RBFOX1: variants seen among roughly 807,000 people sequenced by gnomAD.
RBFOX1 encodes the protein RNA binding protein fox-1 homolog 1.
A neutral mutation model predicts 57.7 loss-of-function variants in RBFOX1; 8 were observed. The observed-to-expected ratio is 0.14, with a 90% CI of 0.08 to 0.25. The LOEUF (loss-of-function observed/expected upper bound fraction) is 0.25, where lower values mean the gene tolerates loss of function less well. Among genes scored for constraint, RBFOX1 ranks in the 10% least tolerant of loss-of-function variants. RBFOX1 has a pLI of 1.00. For missense variants in RBFOX1, 611 were observed against 548.5 expected, an observed-to-expected ratio of 1.11 and a Z score of -1.14; for synonymous variants, 326 against 222.4, an observed-to-expected ratio of 1.47 and a Z score of -4.15.
At chr16:6,326,445 G>C (rs913659569) in intron 2 of RBFOX1, among the ~76,000 whole-genome samples, 7 of 152,168 alleles carry the variant, frequency 4.6e-5, no homozygotes, top group Admixed American at 3.3e-4. Flanking sequence ...GACCAGATGT[G>C]AGAGAGGACC....
intron 2 of RBFOX1, among the ~76,000 whole-genome samples, chr16:6,474,957 C>A (rs549607569): frequency 6.6e-6 from 1 of 152,194 alleles, no homozygotes; most frequent in Admixed American, 6.5e-5. Context: ...AATACATAAA[C>A]TGACCTTGTA....
intron 3 of RBFOX1, among the ~76,000 whole-genome samples, chr16:6,892,203 G>A (rs1180212248): frequency 6.6e-6 from 1 of 152,026 alleles, no homozygotes; most frequent in Non-Finnish European, 1.5e-5. Context: ...ATGCCCTTTG[G>A]CCAAGCAGAA....
At chr16:7,607,196 C>A in intron 9 of RBFOX1, 89 bp from the exon 10 acceptor site, 1 of 1,241,846 alleles carries the variant, frequency 8.1e-7, no homozygotes, top group Non-Finnish European at 1.2e-6. Context: ...AAATGAGATA[C>A]TTTAACCCAT....
intron 5 of RBFOX1, among the ~76,000 whole-genome samples, chr16:7,570,296 G>A (rs911601770): frequency 2.0e-5 from 3 of 151,962 alleles, no homozygotes; most frequent in African/African-American, 7.3e-5. Flanking sequence ...GCTGTGTGAT[G>A]AGTGCATGTA....
chr16:5,376,868 G>A (rs2065997652), intron 1 of RBFOX1, among the ~76,000 whole-genome samples: 1 of 151,686 alleles, frequency 6.6e-6, no homozygotes, highest in African/African-American at 2.4e-5. Context: ...AGCAGGTTCT[G>A]CGTCATCTCC....
At chr16:5,274,638 T>G (rs1430562093) in intron 1 of RBFOX1, among the ~76,000 whole-genome samples, 2 of 152,224 alleles carry the variant, frequency 1.3e-5, no homozygotes, top group Non-Finnish European at 2.9e-5. Context: ...TTGGCTTTAT[T>G]GGCAAGACTG....
chr16:7,186,197 T>C (rs941323868), intron 4 of RBFOX1, among the ~76,000 whole-genome samples: 7 of 149,148 alleles, frequency 4.7e-5, no homozygotes, highest in African/African-American at 1.2e-4. Context: ...TATACATAAA[T>C]ATAAATGTGT....
rs562408260 is a variant in RBFOX1, at chr16:5,291,620, G to C, written c.219+51515G>C. 2.6e-5 allele frequency among the ~76,000 whole-genome samples: 4 copies of C among 152,326 alleles called. No individual in the cohort carries two copies. In the East Asian group the frequency reaches 5.8e-4, roughly 22 times the overall value. On this transcript the variant is annotated intron_variant, in intron 1 of 2. Transcript: ENST00000585867. ...GGGAGTCATTGAAAGTGAGTGATCT[G>C]TTTGGATGCACCTTCTGAAGTGATT... is the stretch of plus-strand genomic sequence containing the variant.
chr16:7,402,234 C>T (rs968296633), intron 4 of RBFOX1, among the ~76,000 whole-genome samples: 3 of 152,088 alleles, frequency 2.0e-5, no homozygotes, highest in African/African-American at 7.2e-5. Flanking sequence ...GAAGACTCAC[C>T]TGTAAGGGAG....
intron 4 of RBFOX1, among the ~76,000 whole-genome samples, chr16:7,240,770 A>C (rs2094014323): frequency 1.3e-5 from 2 of 152,052 alleles, no homozygotes; most frequent in Non-Finnish European, 2.9e-5. Flanking sequence ...GGGTTTTGCC[A>C]TGTTGCCCAG....
intron 3 of RBFOX1, among the ~76,000 whole-genome samples, chr16:6,750,551 A>T (rs1433402305): frequency 1.3e-5 from 2 of 152,246 alleles, no homozygotes; most frequent in Non-Finnish European, 2.9e-5. Context: ...GTTAAAATAA[A>T]CTGGTGACCG....
chr16:5,793,631 C>A (rs929584418), intron 3 of RBFOX1, among the ~76,000 whole-genome samples: 1 of 152,196 alleles, frequency 6.6e-6, no homozygotes, highest in East Asian at 1.9e-4. Flanking sequence ...GCAGTGCTCA[C>A]AAAGCAGTGA....
intron 1 of RBFOX1, among the ~76,000 whole-genome samples, chr16:6,204,144 T>C (rs1217335689): frequency 6.6e-6 from 1 of 152,226 alleles, no homozygotes; most frequent in East Asian, 1.9e-4. Flanking sequence ...ACTGATGTTG[T>C]TGATACTCAA....
chr16:5,972,442 C>T (rs1268755175), intron 4 of RBFOX1, among the ~76,000 whole-genome samples: 1 of 152,166 alleles, frequency 6.6e-6, no homozygotes, highest in Non-Finnish European at 1.5e-5. Flanking sequence ...GTGTCCAGTG[C>T]CTGAGAGTCC....
At chr16:5,547,742 G>T (rs969908837) in intron 2 of RBFOX1, among the ~76,000 whole-genome samples, 1 of 152,134 alleles carries the variant, frequency 6.6e-6, no homozygotes, top group Non-Finnish European at 1.5e-5. Context: ...CATGTCCTGT[G>T]CAGCAATATG....
intron 2 of RBFOX1, among the ~76,000 whole-genome samples, chr16:5,505,666 C>A (rs920959281): frequency 6.6e-6 from 1 of 152,196 alleles, no homozygotes; most frequent in African/African-American, 2.4e-5. Flanking sequence ...GAGTATGTCT[C>A]TCCTTTCCAG....
chr16:6,700,773 A>G (rs1224903829), intron 3 of RBFOX1, among the ~76,000 whole-genome samples: 2 of 152,190 alleles, frequency 1.3e-5, no homozygotes, highest in African/African-American at 2.4e-5. Flanking sequence ...TACATTTACC[A>G]TGTTATCTAT....
chr16:5,595,606 C>T (rs1361690590), intron 2 of RBFOX1, among the ~76,000 whole-genome samples: 3 of 152,146 alleles, frequency 2.0e-5, no homozygotes, highest in Non-Finnish European at 4.4e-5. Context: ...ATCAGGCCAG[C>T]TCAAATGATA....
chr16:5,239,921 G>T, exon 1 of RBFOX1: 1 of 1,516,228 alleles, frequency 6.6e-7, no homozygotes, highest in Non-Finnish European at 8.8e-7. Flanking sequence ...GAAGCCACTG[G>T]CAAGCCCCGA....
Sources: allele counts gnomAD v4.1 joint callset (sites outside exome capture counted in the v4.1 genomes callset), GRCh38; gene constraint gnomAD v4.1.1; transcripts MANE v1.5; gene names NCBI Gene and HGNC (gene_info 2026-07-23, HGNC 2026-07-21).